CAPN5: variants seen among roughly 807,000 people sequenced by gnomAD.
CAPN5 encodes the protein calpain-5.
Under a neutral mutation model 73.0 loss-of-function variants are expected in CAPN5, and 54 were observed. The ratio of observed to expected loss-of-function variants is 0.74; its 90% CI spans 0.59 to 0.93. CAPN5 has a LOEUF of 0.93. CAPN5 is among the 40% of genes least tolerant of loss of function. The pLI, the probability that CAPN5 is intolerant of heterozygous loss-of-function variation, is 0.00. For synonymous variants in CAPN5, 335 were observed against 356.9 expected (o/e 0.94, Z 0.69); for missense variants, 785 against 882.9 (o/e 0.89, Z 1.41).
rs370925574 is a variant in CAPN5, at chr11:77,122,735, C to T, written c.1740+23C>T. The T allele has an allele frequency of 7.6e-5, 122 of 1,611,986 alleles. 1 individual carries two copies. The African/African-American group carries it at 1.5e-3, about 19-fold the overall frequency. On this transcript the variant is annotated intron_variant, in intron 12 of 12. Coordinates refer to ENST00000648180, the MANE Select transcript of CAPN5 (RefSeq NM_004055.5). ...CAGGTGAGCCCCCTGGTCCAGAGGC[C>T]ACCTCCTGGGCTCCTAGCCTGAGGC... is the stretch of plus-strand genomic sequence containing the variant.
At chr11:77,116,375 G>A (rs1180098960) in intron 7 of CAPN5, 72 bp downstream of exon 7, 1 of 1,224,476 alleles carries the variant, frequency 8.2e-7, no homozygotes, top group Non-Finnish European at 1.2e-6. Context: ...AGCACCAGGT[G>A]GGGAGTCAGG....
chr11:77,076,636 G>T (rs1949971579), intron 1 of CAPN5, among the ~76,000 whole-genome samples: 1 of 152,080 alleles, frequency 6.6e-6, no homozygotes, highest in African/African-American at 2.4e-5. Context: ...TCTGTGTCTG[G>T]CTTATTTCAC....
chr11:77,075,775 C>A (rs1357411589), intron 1 of CAPN5, among the ~76,000 whole-genome samples: 1 of 151,226 alleles, frequency 6.6e-6, no homozygotes, highest in African/African-American at 2.4e-5. Context: ...GGGACCACAC[C>A]CATGGAACCA....
At chr11:77,098,104 C>T (rs1471633862) in intron 3 of CAPN5, among the ~76,000 whole-genome samples, 1 of 69,948 alleles carries the variant, frequency 1.4e-5, no homozygotes, top group Admixed American at 1.2e-4. Context: ...GGGGGGCTGA[C>T]CCCCCCACCT....
intron 2 of CAPN5, 60 bp downstream of exon 2, chr11:77,085,111 G>T: frequency 2.0e-6 from 3 of 1,492,048 alleles, no homozygotes; most frequent in Non-Finnish European, 2.8e-6. Context: ...CACAAGGCTG[G>T]GCCTGCAGGG....
intron 1 of CAPN5, among the ~76,000 whole-genome samples, chr11:77,067,761 C>T (rs1477479264): frequency 6.6e-6 from 1 of 151,322 alleles, no homozygotes; most frequent in African/African-American, 2.4e-5. Context: ...CGTTGGGGGT[C>T]TCGGAAGACT....
Position 77,094,348 on chromosome 11 carries a change from T to C in CAPN5, c.297+535T>C, listed in dbSNP as rs889476555. ...GGTGGGAAAGAATGGGCTCTGGTCCTGCAACCCAACCTCCTATCCCAGCAC... is the reference window on the plus strand; with the variant it reads ...GGTGGGAAAGAATGGGCTCTGGTCCCGCAACCCAACCTCCTATCCCAGCAC... On this transcript the variant is annotated intron_variant, in intron 3 of 12. Coordinates refer to ENST00000648180, the MANE Select transcript of CAPN5 (RefSeq NM_004055.5). Among the ~76,000 whole-genome samples, 9 of 152,150 alleles carry C rather than the reference T, an allele frequency of 5.9e-5. No individual in the cohort carries two copies. The South Asian group carries it at 1.9e-3, about 32-fold the overall frequency.
At chr11:77,070,430 G>C (rs1190133426) in intron 1 of CAPN5, among the ~76,000 whole-genome samples, 1 of 152,238 alleles carries the variant, frequency 6.6e-6, no homozygotes, top group Non-Finnish European at 1.5e-5. Context: ...ACTTCTGCCA[G>C]TTGGAGTGAG....
intron 12 of CAPN5, among the ~76,000 whole-genome samples, chr11:77,123,396 A>C (rs1950542661): frequency 6.6e-6 from 1 of 152,166 alleles, no homozygotes; most frequent in Non-Finnish European, 1.5e-5. Flanking sequence ...AAGATGGGGA[A>C]ACTAGGGCAG....
At chr11:77,071,805 G>A (rs749600788) in intron 1 of CAPN5, 133 of 375,538 alleles carry the variant, frequency 3.5e-4, no homozygotes, top group Non-Finnish European at 5.2e-4. Context: ...GTGGCTTGGA[G>A]CAGTGCAGTG....
Position 77,124,110 on chromosome 11 carries a change from A to G in CAPN5, c.*240A>G. 1 of 544,854 alleles carries G rather than the reference A, an allele frequency of 1.8e-6. No individual in the cohort carries two copies. Among genetic ancestry groups the G allele is most frequent in the South Asian group, 2.3e-5 (1 of 42,936 alleles). The allele number at this position is 544,854 out of a possible 1,614,324, so 33.8% of individuals were successfully genotyped here. ...ATTTCAAATAGTCCTCCCCACCTCA[A>G]CTGTCACCACTGCTAAGGGACTCTA... is the stretch of plus-strand genomic sequence containing the variant. On this transcript the variant is annotated 3_prime_UTR_variant, in exon 13 of 13. Transcript: ENST00000648180.
Position 77,124,167 on chromosome 11 carries a change from G to A in CAPN5, c.*297G>A. The A allele has an allele frequency of 5.3e-6, 2 of 379,210 alleles. No homozygotes were observed. The highest frequency in any genetic ancestry group is 9.6e-6 in the Non-Finnish European group (2 of 209,332). The allele number at this position is 379,210 out of a possible 1,614,324, so 23.5% of individuals were successfully genotyped here. On this transcript the variant is annotated 3_prime_UTR_variant, in exon 13 of 13. Coordinates refer to ENST00000648180, the MANE Select transcript of CAPN5 (RefSeq NM_004055.5). ...GAGCACATTTTCCTAAGGCCCTGCT[G>A]TCTGCCGAGGAGCGCCAAGAAGATG...
At chr11:77,108,324 TG>T (rs1212673750) in intron 3 of CAPN5, among the ~76,000 whole-genome samples, 2 of 151,966 alleles carry the variant, frequency 1.3e-5, no homozygotes, top group Non-Finnish European at 2.9e-5. Flanking sequence ...GCCTGACTGT[TG>T]GGGGGGTGCT....
Position 77,122,009 on chromosome 11 carries a change from AC to A in CAPN5, c.1564del (p.His522MetfsTer19), listed in dbSNP as rs1393208278. 1.1e-5 allele frequency: 17 copies of A among 1,561,916 alleles called. No homozygotes were observed. The highest frequency in any genetic ancestry group is 1.4e-5 in the Non-Finnish European group (16 of 1,152,838). On this transcript the variant is annotated frameshift_variant, in exon 11 of 13. Transcript: ENST00000648180. LOFTEE classifies it high-confidence loss of function. Reference sequence around the variant, plus strand: ...GCTACCCCCAGCTGGTGACCCAGGTACATGTCCTGGGAGCTGCTGGCCTCAA... The same window carrying A: ...GCTACCCCCAGCTGGTGACCCAGGTAATGTCCTGGGAGCTGCTGGCCTCAA... Reference protein sequence around the residue: ...CGYPQLVTQVHVLGAAGLKDS... With the variant: ...CGYPQLVTQVXVLGAAGLKDS...
rs924989357 is a variant in CAPN5 at position 77,122,193 on chromosome 11, G to C, written c.1603+144G>C. Reference sequence around the variant, plus strand: ...CATTTCTGGGGTGATGCCTGATGCTGGGCACATAGAGAGGAAAAGGTTTAC... The same window carrying C: ...CATTTCTGGGGTGATGCCTGATGCTCGGCACATAGAGAGGAAAAGGTTTAC... On this transcript the variant is annotated intron_variant, in intron 11 of 12. Coordinates refer to ENST00000648180, the MANE Select transcript of CAPN5 (RefSeq NM_004055.5). 1.5e-5 allele frequency: 9 copies of C among 584,304 alleles called. 1 individual carries two copies. In the Admixed American group the frequency reaches 1.9e-4, roughly 13 times the overall value. The allele number at this position is 584,304 out of a possible 1,614,324, so 36.2% of individuals were successfully genotyped here.
intron 3 of CAPN5, among the ~76,000 whole-genome samples, chr11:77,110,671 A>G (rs782255701): frequency 7.9e-5 from 12 of 152,226 alleles, no homozygotes; most frequent in African/African-American, 2.2e-4. Context: ...CTGGCACCCA[A>G]CAGGGCTCCA....
intron 2 of CAPN5, 38 bp from the exon 3 acceptor site, chr11:77,093,644 C>A: frequency 6.5e-7 from 1 of 1,535,790 alleles, no homozygotes; most frequent in Non-Finnish European, 8.8e-7. Flanking sequence ...TCCGCATGCT[C>A]CTCCGCCCCT....
At chr11:77,105,714 C>A (rs1369065580) in intron 3 of CAPN5, among the ~76,000 whole-genome samples, 1 of 152,222 alleles carries the variant, frequency 6.6e-6, no homozygotes, top group Non-Finnish European at 1.5e-5. Flanking sequence ...AAGGTCCTTC[C>A]AGCCCCACCC....
At chr11:77,073,543 A>G (rs1279818391) in intron 1 of CAPN5, among the ~76,000 whole-genome samples, 3 of 152,058 alleles carry the variant, frequency 2.0e-5, no homozygotes, top group Non-Finnish European at 2.9e-5. Flanking sequence ...CAGCCCTCAC[A>G]TGCTGTGCTG....
Sources: allele counts gnomAD v4.1 joint callset (sites outside exome capture counted in the v4.1 genomes callset), GRCh38; gene constraint gnomAD v4.1.1; transcripts MANE v1.5; gene names NCBI Gene and HGNC (gene_info 2026-07-23, HGNC 2026-07-21).